Variants in ZSCAN5A observed in about 807,000 individuals in gnomAD.
ZSCAN5A encodes zinc finger and SCAN domain containing 5A.
Under a neutral mutation model 23.7 loss-of-function variants are expected in ZSCAN5A, and 12 were observed. That is an observed-to-expected ratio of 0.51 (90% confidence interval 0.32 to 0.82). The LOEUF (loss-of-function observed/expected upper bound fraction) is 0.82. ZSCAN5A is among the 40% of genes least tolerant of loss of function. The pLI, the probability that ZSCAN5A is intolerant of heterozygous loss-of-function variation, is 0.03. For missense variants in ZSCAN5A, 597 were observed against 617.9 expected (o/e 0.97, Z 0.36); for synonymous variants, 257 against 239.9 (o/e 1.07, Z -0.66).
At position 56,243,898 on chromosome 19, in the gene ZSCAN5A, G is replaced by C. The variant is rs148029425; in HGVS notation, c.-127-18725C>G. ...GGTGGATAGACTAGAAACTTTGATC[G>C]GGCTCATGTTTTTTTTTGCAGACTT... On this transcript the variant is annotated intron_variant, in intron 2 of 5. Transcript: ENST00000683990. 1,459 of 498,142 alleles carry C rather than the reference G, an allele frequency of 2.9e-3. 23 individuals are homozygous for C. Among genetic ancestry groups the C allele is most frequent in the African/African-American group, 0.026 (1,339 of 51,854 alleles). The allele number at this position is 498,142 out of a possible 1,614,324, so 30.9% of individuals were successfully genotyped here. A position where few individuals can be genotyped will look rare whatever the true frequency, so the allele number is the denominator to read the frequency against.
At chr19:56,273,073 G>A (rs1291611144) in intron 2 of ZSCAN5A, among the ~76,000 whole-genome samples, 1 of 152,128 alleles carries the variant, frequency 6.6e-6, no homozygotes, top group Non-Finnish European at 1.5e-5. Context: ...GGACACAGTG[G>A]GGTGAATGAG....
At chr19:56,291,478 ATC>A (rs954870370) in intron 2 of ZSCAN5A, among the ~76,000 whole-genome samples, 14 of 152,230 alleles carry the variant, frequency 9.2e-5, no homozygotes, top group African/African-American at 3.1e-4. Context: ...TTTTGGGAAG[ATC>A]TGTTTTGAGA....
intron 2 of ZSCAN5A, among the ~76,000 whole-genome samples, chr19:56,231,071 G>A (rs1383500699): frequency 1.3e-5 from 2 of 152,158 alleles, no homozygotes; most frequent in Non-Finnish European, 2.9e-5. Flanking sequence ...AAGTTCACTG[G>A]GCATTATGGT....
chr19:56,227,428 G>C (rs1161186315), intron 2 of ZSCAN5A, among the ~76,000 whole-genome samples: 2 of 152,234 alleles, frequency 1.3e-5, no homozygotes, highest in Admixed American at 6.5e-5. Context: ...TCAGGAGGCA[G>C]AGGCGGAGGT....
At chr19:56,274,318 G>T (rs10775566) in intron 2 of ZSCAN5A, among the ~76,000 whole-genome samples, 62,883 of 151,592 alleles carry the variant, frequency 0.41, 14,258 homozygotes, top group Non-Finnish European at 0.51. Flanking sequence ...TCCAGGCATG[G>T]TAGTAGGGGC....
intron 2 of ZSCAN5A, among the ~76,000 whole-genome samples, chr19:56,333,814 A>G (rs2041510740): frequency 6.6e-6 from 1 of 152,056 alleles, no homozygotes; most frequent in Non-Finnish European, 1.5e-5. Context: ...AACATACTGT[A>G]TGCTCACACC....
intron 2 of ZSCAN5A, chr19:56,343,101 C>G (rs1184226040): frequency 2.6e-6 from 2 of 764,822 alleles, no homozygotes; most frequent in African/African-American, 3.4e-5. Context: ...CCTTCGGGTC[C>G]TATCCAATGA....
intron 2 of ZSCAN5A, among the ~76,000 whole-genome samples, chr19:56,240,179 G>GAAAA (rs113940738): frequency 9.6e-5 from 14 of 146,454 alleles, no homozygotes; most frequent in Admixed American, 2.0e-4. Flanking sequence ...ACCAAAAGAA[G>GAAAA]AAAAAAAAAC....
rs567151015 is a variant in ZSCAN5A at position 56,357,464 on chromosome 19, C to T, written c.-358+5771G>A. ...CTGGGACTCCCTCACCCCAAACCTT[C>T]ACCCATCTTTATGTTGGGAACATTC... On this transcript the variant is annotated intron_variant, in intron 2 of 6. Coordinates refer to the ZSCAN5A transcript ENST00000587340. Among the ~76,000 whole-genome samples the T allele has an allele frequency of 1.6e-4, 24 of 148,102 alleles. 2 individuals carry two copies. The highest frequency in any genetic ancestry group is 5.4e-4 in the African/African-American group (21 of 39,216).
At chr19:56,349,844 C>T (rs913388913) in intron 2 of ZSCAN5A, among the ~76,000 whole-genome samples, 1 of 152,016 alleles carries the variant, frequency 6.6e-6, no homozygotes, top group Non-Finnish European at 1.5e-5. Context: ...TCTAAACTTT[C>T]CTCTCAAAGT....
At chr19:56,282,358 C>A in intron 2 of ZSCAN5A, 1 of 353,548 alleles carries the variant, frequency 2.8e-6, no homozygotes, top group Non-Finnish European at 4.0e-6. Context: ...TAACCTATCT[C>A]AGGACCTATG....
intron 2 of ZSCAN5A, chr19:56,301,962 C>T (rs2040262556): frequency 8.1e-7 from 1 of 1,232,152 alleles, no homozygotes; most frequent in Non-Finnish European, 1.0e-6. Context: ...CCACGGTTCT[C>T]TCCAGTTAAA....
chr19:56,309,922 T>C (rs544471177), intron 2 of ZSCAN5A, among the ~76,000 whole-genome samples: 27 of 152,114 alleles, frequency 1.8e-4, no homozygotes, highest in Non-Finnish European at 3.7e-4. Flanking sequence ...TTCCAGCTGC[T>C]GGAACAGCCC....
At position 56,221,897 on chromosome 19, in the gene ZSCAN5A, C is replaced by T; in HGVS notation, c.1169G>A (p.Gly390Glu). ...GERLFQCNLCGKRFMQLISLQ... is the reference protein window; with the variant it reads ...GERLFQCNLCEKRFMQLISLQ... Reference sequence around the variant, plus strand: ...GCTAATAAGCTGCATGAAGCGCTTCCCACAGAGATTACATTGAAAGAGTCT... The same window carrying T: ...GCTAATAAGCTGCATGAAGCGCTTCTCACAGAGATTACATTGAAAGAGTCT... The change falls in exon 6 of 6, where the codon GGG becomes GAG. Residue 390 changes from glycine (G) to glutamate (E), a missense_variant. By Grantham distance (98) the Gly-to-Glu change is moderately conservative. This residue lies in a region of ZSCAN5A where 406 missense variants were observed against 353.2 expected (regional missense o/e 1.15). Coordinates refer to ENST00000683990, the MANE Select transcript of ZSCAN5A (RefSeq NM_001322064.3). The T allele has an allele frequency of 1.2e-6, 2 of 1,614,130 alleles. No homozygotes were observed. The highest frequency in any genetic ancestry group is 1.1e-5 in the South Asian group (1 of 91,078).
chr19:56,273,493 C>T (rs1206241503), intron 2 of ZSCAN5A, among the ~76,000 whole-genome samples: 1 of 134,830 alleles, frequency 7.4e-6, no homozygotes, highest in Non-Finnish European at 1.7e-5. Context: ...ATGGAATTCT[C>T]ATGCTAAACA....
chr19:56,249,495 C>T (rs995929609), intron 2 of ZSCAN5A, among the ~76,000 whole-genome samples: 1 of 152,174 alleles, frequency 6.6e-6, no homozygotes, highest in Admixed American at 6.5e-5. Flanking sequence ...TGGTCTGGAG[C>T]TTCTGATCTT....
intron 2 of ZSCAN5A, among the ~76,000 whole-genome samples, chr19:56,250,579 C>A (rs2146732620): frequency 6.6e-6 from 1 of 152,262 alleles, no homozygotes; most frequent in Admixed American, 6.5e-5. Flanking sequence ...AGCTTTGCAT[C>A]AACTGAGCAA....
At chr19:56,255,588 C>A (rs1432015970) in intron 2 of ZSCAN5A, among the ~76,000 whole-genome samples, 1 of 152,048 alleles carries the variant, frequency 6.6e-6, no homozygotes, top group African/African-American at 2.4e-5. Flanking sequence ...TGCCTGTGAC[C>A]CAACGTGGTT....
chr19:56,255,298 G>C (rs902582006), intron 2 of ZSCAN5A, among the ~76,000 whole-genome samples: 1 of 152,138 alleles, frequency 6.6e-6, no homozygotes, highest in African/African-American at 2.4e-5. Context: ...TCAATATTGA[G>C]CAAAGCGTGG....
Sources: allele counts gnomAD v4.1 joint callset (sites outside exome capture counted in the v4.1 genomes callset), GRCh38; gene constraint gnomAD v4.1.1; regional missense constraint gnomAD v4.1.1; transcripts MANE v1.5; gene names NCBI Gene and HGNC (gene_info 2026-07-23, HGNC 2026-07-21).